Variants in PARD3B observed in about 807,000 individuals in gnomAD.
PARD3B encodes partitioning defective 3 homolog B.
In PARD3B, 103 loss-of-function variants were observed where a neutral mutation model predicts 130.2. The ratio of observed to expected loss-of-function variants is 0.79; its 90% CI spans 0.67 to 0.93. The LOEUF (loss-of-function observed/expected upper bound fraction) is 0.93. PARD3B is among the 40% of genes least tolerant of loss of function. The pLI, the probability that PARD3B is intolerant of heterozygous loss-of-function variation, is 0.00. For missense variants in PARD3B, 1,609 were observed against 1,499.2 expected (o/e 1.07, Z -1.21); for synonymous variants, 583 against 553.2 (o/e 1.05, Z -0.76).
At chr2:205,199,472 TAC>T (rs541089617) in intron 15 of PARD3B, among the ~76,000 whole-genome samples, 53 of 151,190 alleles carry the variant, frequency 3.5e-4, no homozygotes, top group African/African-American at 9.5e-4. Context: ...TATATACACA[TAC>T]ACACACACAC....
chr2:205,400,968 A>T, intron 18 of PARD3B, 45 bp from the exon 19 acceptor site: 3 of 1,428,348 alleles, frequency 2.1e-6, no homozygotes, highest in Non-Finnish European at 2.9e-6. Flanking sequence ...TACCGCAAAA[A>T]CAATGTGATT....
At chr2:204,702,587 C>CT (rs1418707800) in intron 2 of PARD3B, among the ~76,000 whole-genome samples, 2 of 151,640 alleles carry the variant, frequency 1.3e-5, no homozygotes, top group African/African-American at 4.8e-5. Context: ...TTATTTTTTT[C>CT]TTTTTTTGAA....
chr2:205,010,103 A>G (rs746518491), intron 3 of PARD3B, among the ~76,000 whole-genome samples: 2 of 152,186 alleles, frequency 1.3e-5, no homozygotes, highest in African/African-American at 4.8e-5. Flanking sequence ...TTAAACAACA[A>G]TACTGTTAAC....
chr2:205,542,786 G>T (rs1178148580), intron 21 of PARD3B, among the ~76,000 whole-genome samples: 1 of 152,034 alleles, frequency 6.6e-6, no homozygotes, highest in Admixed American at 6.5e-5. Context: ...ATTCCAAATG[G>T]TTTCGATTTA....
In PARD3B at chr2:204,595,242, C is replaced by T. The variant is rs569650025; in HGVS notation, c.120+49123C>T. ...GAGCAAAGTCTACTCCATCCTCTGT[C>T]CCATCCACTGCCCCTTGCCCCACTG... On this transcript the variant is annotated intron_variant, in intron 1 of 22. Transcript: ENST00000406610. Among the ~76,000 whole-genome samples, 6 of 152,318 alleles carry T rather than the reference C, an allele frequency of 3.9e-5. No homozygotes were observed. In the East Asian group the frequency reaches 1.2e-3, roughly 29 times the overall value.
chr2:204,603,127 A>T (rs919847426), intron 1 of PARD3B, among the ~76,000 whole-genome samples: 1 of 152,162 alleles, frequency 6.6e-6, no homozygotes, highest in Non-Finnish European at 1.5e-5. Context: ...GGGTAGATAG[A>T]TGGAACGTTC....
intron 18 of PARD3B, among the ~76,000 whole-genome samples, chr2:205,381,030 T>TAAAGAATATATA (rs1559035455): frequency 2.4e-4 from 3 of 12,382 alleles, no homozygotes; most frequent in Non-Finnish European, 1.0e-3. Context: ...TATGATATAT[T>TAAAGAATATATA]ATATATAAAG....
At chr2:205,370,712 T>C (rs1400510684) in intron 18 of PARD3B, among the ~76,000 whole-genome samples, 1 of 152,236 alleles carries the variant, frequency 6.6e-6, no homozygotes, top group East Asian at 1.9e-4. Context: ...AGCTGTTATT[T>C]AAGAATTTCT....
chr2:204,853,273 A>G (rs2044784239), intron 2 of PARD3B, among the ~76,000 whole-genome samples: 1 of 152,218 alleles, frequency 6.6e-6, no homozygotes, highest in Admixed American at 6.5e-5. Flanking sequence ...AAATACAAGG[A>G]GAATTTTAGA....
At position 205,280,202 on chromosome 2, in the gene PARD3B, C is replaced by T. The variant is rs1455063793; in HGVS notation, c.2186-20328C>T. Among the ~76,000 whole-genome samples the T allele has an allele frequency of 6.6e-6, 1 of 152,126 alleles. No individual in the cohort carries two copies. On this transcript the variant is annotated intron_variant, in intron 16 of 22. Transcript: ENST00000406610. This position sits in a 1 kb window ranked among gnomAD's most constrained non-coding sequence, Gnocchi z 4.7. ...TTAGGACAAAATAACAGTCACTACT[C>T]CTTTTTCCCGTGCATGAACTTTGGA...
intron 12 of PARD3B, among the ~76,000 whole-genome samples, chr2:205,174,028 C>T (rs1333072739): frequency 3.9e-5 from 6 of 152,146 alleles, no homozygotes; most frequent in Non-Finnish European, 5.9e-5. Context: ...CATAACATAC[C>T]TGTGCAGATA....
intron 1 of PARD3B, among the ~76,000 whole-genome samples, chr2:204,657,103 A>T (rs570933364): frequency 6.6e-6 from 1 of 152,174 alleles, no homozygotes; most frequent in Non-Finnish European, 1.5e-5. Flanking sequence ...TGATGCACAG[A>T]TTCCATCCCA....
chr2:204,823,404 A>C (rs568647534), intron 2 of PARD3B, among the ~76,000 whole-genome samples: 16 of 152,108 alleles, frequency 1.1e-4, no homozygotes, highest in Admixed American at 9.8e-4. Context: ...TTATTAAAAA[A>C]TGAGTGTCAT....
intron 20 of PARD3B, among the ~76,000 whole-genome samples, chr2:205,485,315 G>C (rs2049395723): frequency 6.6e-6 from 1 of 152,120 alleles, no homozygotes; most frequent in African/African-American, 2.4e-5. Context: ...CAAGAGCTCT[G>C]GTTATGGAAA....
chr2:205,513,003 A>C (rs1182550806), intron 21 of PARD3B, among the ~76,000 whole-genome samples: 2 of 94,998 alleles, frequency 2.1e-5, no homozygotes, highest in Non-Finnish European at 4.9e-5. Context: ...TTTTTTTTTT[A>C]GTATGAACCA....
chr2:204,914,889 T>G (rs936207487), intron 2 of PARD3B, among the ~76,000 whole-genome samples: 2 of 152,150 alleles, frequency 1.3e-5, no homozygotes, highest in Non-Finnish European at 2.9e-5. Flanking sequence ...GCTGCCCAGA[T>G]GCTCGTGGCC....
chr2:204,774,823 G>C lies in PARD3B; in HGVS notation c.222+88541G>C, dbSNP rs76853605. Among the ~76,000 whole-genome samples, 112 of 152,184 alleles carry C rather than the reference G, an allele frequency of 7.4e-4. 1 individual carries two copies. The highest frequency in any genetic ancestry group is 4.3e-3 in the East Asian group (22 of 5,176). On this transcript the variant is annotated intron_variant, in intron 2 of 22. Coordinates refer to ENST00000406610, the MANE Select transcript of PARD3B (RefSeq NM_001302769.2). Reference sequence around the variant, plus strand: ...TGCTCAGTATGCTTTCTGTCTTCTTGGGTGTATTTCAGTATTACTCTTCAG... The same window carrying C: ...TGCTCAGTATGCTTTCTGTCTTCTTCGGTGTATTTCAGTATTACTCTTCAG...
Position 204,799,963 on chromosome 2 carries a change from T to C in PARD3B, c.222+113681T>C, listed in dbSNP as rs972033846. Among the ~76,000 whole-genome samples, 1 of 152,184 alleles carries C rather than the reference T, an allele frequency of 6.6e-6. No individual in the cohort carries two copies. Among genetic ancestry groups the C allele is most frequent in the African/African-American group, 2.4e-5 (1 of 41,450 alleles). On this transcript the variant is annotated intron_variant, in intron 2 of 22. Transcript: ENST00000406610. This position sits in a 1 kb window ranked among gnomAD's most constrained non-coding sequence, Gnocchi z 4.1. ...CTACAATAAATACCTAACTCTACAATGCCCTGACACTGATGAACATCCACA... is the reference window on the plus strand; with the variant it reads ...CTACAATAAATACCTAACTCTACAACGCCCTGACACTGATGAACATCCACA...
intron 18 of PARD3B, among the ~76,000 whole-genome samples, chr2:205,399,882 A>G (rs997967461): frequency 6.6e-6 from 1 of 152,150 alleles, no homozygotes; most frequent in Admixed American, 6.5e-5. Flanking sequence ...CTGGGGCTGC[A>G]TTAGAGAGTG....
Sources: gnomAD v4.1 joint callset for allele counts (sites outside exome capture counted in the v4.1 genomes callset) on GRCh38, gnomAD v4.1.1 for gene constraint, Gnocchi (gnomAD v3.1) non-coding constraint, MANE v1.5 for transcripts, NCBI Gene and HGNC (gene_info 2026-07-23, HGNC 2026-07-21) for gene names.